The following RARA variants were observed in gnomAD, a reference collection of about 807,000 sequenced individuals.
RARA encodes the protein retinoic acid receptor alpha.
RARA carries 5 observed loss-of-function variants against 42.8 expected under a neutral mutation model. The observed-to-expected ratio is 0.12, with a 90% confidence interval of 0.06 to 0.25. The LOEUF (loss-of-function observed/expected upper bound fraction) is 0.25, where lower values mean the gene tolerates loss of function less well. Among genes scored for constraint, RARA ranks in the 10% least tolerant of loss-of-function variants. RARA has a pLI of 1.00. For synonymous variants in RARA, 256 were observed against 259.5 expected (o/e 0.99, Z 0.13); for missense variants, 402 against 628.7 (o/e 0.64, Z 3.86).
chr17:40,331,038 G>C lies in RARA; in HGVS notation c.-181G>C. 1 of 640,766 alleles carries C rather than the reference G, an allele frequency of 1.6e-6. No individual in the cohort carries two copies. Among genetic ancestry groups the C allele is most frequent in the Non-Finnish European group, 2.5e-6 (1 of 397,524 alleles). 39.7% of individuals were successfully genotyped at this position (640,766 alleles called of 1,614,324 possible). ...CCCACCTGGCCCCCAGCTAGGGTGG[G>C]GGCTCCAGGAGACTGAGATTAGCCT... On this transcript the variant is annotated 5_prime_UTR_variant, in exon 2 of 9. Coordinates refer to ENST00000254066, the MANE Select transcript of RARA (RefSeq NM_000964.4).
At position 40,356,262 on chromosome 17, in the gene RARA, G is replaced by A. The variant is rs1453066635; in HGVS notation, c.*36G>A. ...CACATGGACACAGCCCTCGCCCTCC[G>A]CCCCGGCTTTTCTCTGCCTTTCTAC... On this transcript the variant is annotated 3_prime_UTR_variant, in exon 9 of 9. Coordinates refer to ENST00000254066, the MANE Select transcript of RARA (RefSeq NM_000964.4). 1.1e-5 allele frequency: 17 copies of A among 1,537,448 alleles called. No homozygotes were observed. The highest frequency in any genetic ancestry group is 5.9e-5 in the Admixed American group (3 of 50,960).
At chr17:40,347,306 G>A (rs1014880193) in intron 2 of RARA, among the ~76,000 whole-genome samples, 4 of 152,180 alleles carry the variant, frequency 2.6e-5, no homozygotes, top group Non-Finnish European at 4.4e-5. Context: ...ACGATGCTGC[G>A]TGGCCCCTTG....
chr17:40,348,351 G>A lies in RARA; in HGVS notation c.214G>A (p.Val72Met). The A allele has an allele frequency of 1.9e-6, 3 of 1,611,292 alleles. No individual in the cohort carries two copies. Among genetic ancestry groups the A allele is most frequent in the Non-Finnish European group, 2.5e-6 (3 of 1,178,602 alleles). ...CCAGAGCAGCAGTTCTGAAGAGATA[G>A]TGCCCAGCCCTCCCTCGCCACCCCC... ...ETQSSSSEEI[V>M]PSPPSPPPLP... The change falls in exon 3 of 9, where the codon GTG (valine) becomes ATG (methionine). Residue 72 changes from valine to methionine, a missense_variant. Val to Met is a conservative substitution (Grantham distance 21). This residue lies in a region of RARA where 91 missense variants were observed against 105.2 expected (regional missense o/e 0.87). Transcript: ENST00000254066.
rs2033682611 is a variant in RARA at position 40,331,247 on chromosome 17, C to T, written c.29C>T (p.Thr10Ile). Reference protein sequence around the residue: MASNSSSCPTPGGGHLNGYP... With the variant: MASNSSSCPIPGGGHLNGYP... ...GCCAGCAACAGCAGCTCCTGCCCGACACCTGGGGGCGGGCACCTCAATGGG... is the reference window on the plus strand; with the variant it reads ...GCCAGCAACAGCAGCTCCTGCCCGATACCTGGGGGCGGGCACCTCAATGGG... The change falls in exon 2 of 9, where the codon ACA (threonine) becomes ATA (isoleucine). Residue 10 changes from threonine to isoleucine, a missense_variant. This residue lies in a region of RARA where 91 missense variants were observed against 105.2 expected (regional missense o/e 0.87). Coordinates refer to ENST00000254066, the MANE Select transcript of RARA (RefSeq NM_000964.4). 1 of 1,613,210 alleles carries T rather than the reference C, an allele frequency of 6.2e-7. No individual in the cohort carries two copies. The highest frequency in any genetic ancestry group is 8.5e-7 in the Non-Finnish European group (1 of 1,179,806).
intron 2 of RARA, chr17:40,341,649 G>C: frequency 1.5e-6 from 2 of 1,345,612 alleles, no homozygotes; most frequent in African/African-American, 3.1e-5. Flanking sequence ...GGCGCCGCCA[G>C]GCGAGTTCAG....
intron 1 of RARA, among the ~76,000 whole-genome samples, chr17:40,313,533 A>G (rs1456778904): frequency 1.3e-5 from 2 of 152,148 alleles, no homozygotes; most frequent in Non-Finnish European, 2.9e-5. Context: ...TATGATGTGA[A>G]TGGCACCCCC....
chr17:40,349,640 C>A, intron 3 of RARA, 144 bp from the exon 4 acceptor site: 1 of 1,002,548 alleles, frequency 1.0e-6, no homozygotes, highest in South Asian at 1.6e-5. Context: ...TTCTCCCCAG[C>A]TTTTCTGGCC....
At chr17:40,343,058 A>G in intron 2 of RARA, 2 of 1,203,168 alleles carry the variant, frequency 1.7e-6, no homozygotes, top group Non-Finnish European at 2.2e-6. Flanking sequence ...CCTAAGTGCA[A>G]TTTGTGTTAG....
chr17:40,332,078 G>T (rs2033709518), intron 2 of RARA, among the ~76,000 whole-genome samples: 1 of 152,218 alleles, frequency 6.6e-6, no homozygotes, highest in Non-Finnish European at 1.5e-5. Flanking sequence ...CTGCCATGGA[G>T]GTCACTTGTT....
intron 2 of RARA, chr17:40,342,796 A>G: frequency 6.2e-7 from 1 of 1,612,790 alleles, no homozygotes; most frequent in Non-Finnish European, 8.5e-7. Flanking sequence ...TTGCTCCCAG[A>G]GAAGGGGCTC....
Position 40,348,766 on chromosome 17 carries a change from C to G in RARA, c.327+302C>G. On this transcript the variant is annotated intron_variant, in intron 3 of 8. Transcript: ENST00000254066. Reference sequence around the variant, plus strand: ...CCGCTGCCCAGGTTGCCATGGTGAGCTGGCTGCCGACTGGCTCTTGGCTGG... The same window carrying G: ...CCGCTGCCCAGGTTGCCATGGTGAGGTGGCTGCCGACTGGCTCTTGGCTGG... 1.2e-5 allele frequency: 3 copies of G among 251,448 alleles called. No individual in the cohort carries two copies. The South Asian group carries it at 3.1e-4, about 26-fold the overall frequency. 15.6% of individuals were successfully genotyped at this position (251,448 alleles called of 1,614,324 possible).
In RARA at chr17:40,331,329, G is replaced by A. The variant is rs376736940; in HGVS notation, c.111G>A (p.Pro37=). 6.9e-5 allele frequency: 112 copies of A among 1,614,014 alleles called. 1 individual carries two copies. The South Asian group carries it at 9.3e-4, about 13-fold the overall frequency. Residue 37 remains proline, a synonymous_variant, in exon 2 of 9, where the codon CCG becomes CCA. Transcript: ENST00000254066. ...CCCCTATGCTGGGTGGACTCTCCCC[G>A]CCAGGCGCTCTGACCACTCTCCAGC... is the stretch of plus-strand genomic sequence containing the variant. ...FFPPMLGGLS[P]PGALTTLQHQ...
At position 40,351,331 on chromosome 17, in the gene RARA, C is replaced by G. The variant is rs1210962155; in HGVS notation, c.470-579C>G. 1.8e-5 allele frequency: 5 copies of G among 276,198 alleles called. No homozygotes were observed. Among genetic ancestry groups the G allele is most frequent in the Non-Finnish European group, 3.2e-5 (4 of 125,268 alleles). 17.1% of individuals were successfully genotyped at this position (276,198 alleles called of 1,614,324 possible). A position where few individuals can be genotyped will look rare whatever the true frequency, so the allele number is the denominator to read the frequency against. ...GTCTGGATAATCGGCTGGTAACGAC[C>G]CCATCGCTTCTTTAAAGCCGAGTGG... On this transcript the variant is annotated intron_variant, in intron 4 of 8. Coordinates refer to ENST00000254066, the MANE Select transcript of RARA (RefSeq NM_000964.4). The surrounding 1 kb of genome is among the most constrained non-coding windows in gnomAD (Gnocchi z 4.1).
rs140531152 is a variant in RARA, at chr17:40,345,818, C to T, written c.179-2498C>T. Among the ~76,000 whole-genome samples the T allele has an allele frequency of 2.2e-3, 341 of 152,322 alleles. 9 individuals carry two copies. The East Asian group carries it at 0.058, about 26-fold the overall frequency. ...AGGGAGTTATGGCCGTGTCCTAACT[C>T]TTGCAGAGGCTGTGAGGATTCCGGA... On this transcript the variant is annotated intron_variant, in intron 2 of 8. Coordinates refer to ENST00000254066, the MANE Select transcript of RARA (RefSeq NM_000964.4). The surrounding 1 kb of genome is among the most constrained non-coding windows in gnomAD (Gnocchi z 4.8).
At chr17:40,336,686 CTTG>C (rs992931078) in intron 2 of RARA, among the ~76,000 whole-genome samples, 16 of 151,200 alleles carry the variant, frequency 1.1e-4, no homozygotes, top group South Asian at 1.0e-3. Flanking sequence ...CCGCGCCCGG[CTTG>C]TTGTTATTTT....
At chr17:40,340,063 G>A (rs1344263085) in intron 2 of RARA, among the ~76,000 whole-genome samples, 1 of 152,132 alleles carries the variant, frequency 6.6e-6, no homozygotes, top group African/African-American at 2.4e-5. Context: ...GAACTTCACT[G>A]ATGCGTAAGT....
chr17:40,313,383 G>A (rs1050951803), intron 1 of RARA, among the ~76,000 whole-genome samples: 1 of 152,180 alleles, frequency 6.6e-6, no homozygotes, highest in Non-Finnish European at 1.5e-5. Context: ...GAAAGTTGGG[G>A]CAAGTTGGGG....
At position 40,352,267 on chromosome 17, in the gene RARA, G is replaced by C. The variant is rs2034481086; in HGVS notation, c.631-64G>C. 1.3e-6 allele frequency: 2 copies of C among 1,541,426 alleles called. No homozygotes were observed. Among genetic ancestry groups the C allele is most frequent in the East Asian group, 4.6e-5 (2 of 43,358 alleles). On this transcript the variant is annotated intron_variant, in intron 5 of 8. Transcript: ENST00000254066. This position sits in a 1 kb window ranked among gnomAD's most constrained non-coding sequence, Gnocchi z 4.9. Reference sequence around the variant, plus strand: ...CTGGGTAGAGGGCAGGCCTGTGGGGGCTGGAGCCAGGCTGAGAAGGGGTGC... The same window carrying C: ...CTGGGTAGAGGGCAGGCCTGTGGGGCCTGGAGCCAGGCTGAGAAGGGGTGC...
At chr17:40,335,924 G>T (rs547989559) in intron 2 of RARA, among the ~76,000 whole-genome samples, 103 of 151,202 alleles carry the variant, frequency 6.8e-4, no homozygotes, top group Non-Finnish European at 1.0e-3. Context: ...GATTGCATGA[G>T]CCTGAGAGGT....
Sources: gnomAD v4.1 joint callset for allele counts (sites outside exome capture counted in the v4.1 genomes callset) on GRCh38, gnomAD v4.1.1 for gene constraint, gnomAD v4.1.1 regional missense constraint, Gnocchi (gnomAD v3.1) non-coding constraint, MANE v1.5 for transcripts, NCBI Gene and HGNC (gene_info 2026-07-23, HGNC 2026-07-21) for gene names.